CCDC192: variants seen among roughly 807,000 people sequenced by gnomAD.
CCDC192 encodes the protein coiled-coil domain-containing protein 192.
chr5:127,889,407 C>CTTT (rs5871279), intron 6 of CCDC192, among the ~76,000 whole-genome samples: 2 of 128,860 alleles, frequency 1.6e-5, no homozygotes, highest in Admixed American at 7.7e-5. Context: ...TTCTTTCTTT[C>CTTT]TTTTTTTTTT....
intron 2 of CCDC192, among the ~76,000 whole-genome samples, chr5:127,724,672 A>T (rs988026031): frequency 6.6e-6 from 1 of 152,078 alleles, no homozygotes; most frequent in Admixed American, 6.6e-5. Flanking sequence ...AACATGGGGA[A>T]ACCCCGTCTC....
chr5:127,826,850 A>T (rs985226228), intron 5 of CCDC192, among the ~76,000 whole-genome samples: 3 of 152,070 alleles, frequency 2.0e-5, no homozygotes, highest in Non-Finnish European at 4.4e-5. Flanking sequence ...TTTACTGGAG[A>T]ACAAGAATAA....
At chr5:127,876,877 A>G (rs1752103812) in intron 6 of CCDC192, among the ~76,000 whole-genome samples, 1 of 152,224 alleles carries the variant, frequency 6.6e-6, no homozygotes, top group African/African-American at 2.4e-5. Flanking sequence ...GCCATGTAAC[A>G]TTGTGAACTT....
At chr5:127,893,882 T>C (rs1362539197) in intron 6 of CCDC192, among the ~76,000 whole-genome samples, 1 of 151,868 alleles carries the variant, frequency 6.6e-6, no homozygotes, top group Non-Finnish European at 1.5e-5. Context: ...AAGACAGACC[T>C]CCTGTATCTA....
At chr5:127,931,513 T>TGA (rs1754029000) in intron 6 of CCDC192, among the ~76,000 whole-genome samples, 1 of 152,196 alleles carries the variant, frequency 6.6e-6, no homozygotes, top group African/African-American at 2.4e-5. Context: ...CTGTGCATAT[T>TGA]GCAGCCTTGT....
chr5:127,721,527 A>C (rs1580531082), intron 2 of CCDC192, among the ~76,000 whole-genome samples: 1 of 152,116 alleles, frequency 6.6e-6, no homozygotes, highest in Non-Finnish European at 1.5e-5. Context: ...ACTTTCCCTC[A>C]TCTTTCTGTC....
At chr5:127,886,407 A>T (rs959306489) in intron 6 of CCDC192, among the ~76,000 whole-genome samples, 3 of 152,178 alleles carry the variant, frequency 2.0e-5, no homozygotes, top group Non-Finnish European at 4.4e-5. Context: ...CTTGAACAAC[A>T]TAGGTTTGCA....
At chr5:127,766,704 AC>A (rs1471390847) in intron 3 of CCDC192, among the ~76,000 whole-genome samples, 1 of 151,826 alleles carries the variant, frequency 6.6e-6, no homozygotes, top group Non-Finnish European at 1.5e-5. Context: ...TCCCTTAGTA[AC>A]ACAATGGACT....
intron 6 of CCDC192, among the ~76,000 whole-genome samples, chr5:127,923,478 C>T (rs1219994496): frequency 1.3e-5 from 2 of 151,638 alleles, no homozygotes; most frequent in East Asian, 2.0e-4. Context: ...CCCGGATTCA[C>T]GCCATTCTCC....
intron 5 of CCDC192, among the ~76,000 whole-genome samples, chr5:127,871,648 A>G (rs1751865876): frequency 6.6e-6 from 1 of 152,138 alleles, no homozygotes; most frequent in Non-Finnish European, 1.5e-5. Flanking sequence ...GCCACGGTTT[A>G]AAGTATGTGG....
intron 2 of CCDC192, among the ~76,000 whole-genome samples, chr5:127,752,877 C>T (rs950252551): frequency 2.0e-5 from 3 of 152,168 alleles, no homozygotes; most frequent in Non-Finnish European, 4.4e-5. Flanking sequence ...CCCGATTTTC[C>T]AGGTGCCGTT....
At chr5:127,831,902 A>T (rs1749813049) in intron 5 of CCDC192, among the ~76,000 whole-genome samples, 1 of 152,102 alleles carries the variant, frequency 6.6e-6, no homozygotes, top group East Asian at 1.9e-4. Flanking sequence ...CAAAACATTA[A>T]TTGCAAGTTT....
At chr5:127,754,821 C>T (rs1754484151) in intron 3 of CCDC192, among the ~76,000 whole-genome samples, 1 of 152,078 alleles carries the variant, frequency 6.6e-6, no homozygotes, top group Admixed American at 6.6e-5. Context: ...GAGAGTTTTT[C>T]AAATATTGAC....
chr5:127,851,860 A>C (rs1412615638), intron 5 of CCDC192, among the ~76,000 whole-genome samples: 1 of 152,208 alleles, frequency 6.6e-6, no homozygotes, highest in East Asian at 1.9e-4. Flanking sequence ...CATTGAGCCC[A>C]CACATCTGTC....
At chr5:127,870,610 G>T (rs1751811803) in intron 5 of CCDC192, among the ~76,000 whole-genome samples, 1 of 152,172 alleles carries the variant, frequency 6.6e-6, no homozygotes, top group African/African-American at 2.4e-5. Context: ...CGGATGACAG[G>T]TTTCATCAAT....
At chr5:127,753,830 A>G (rs1226387081) in intron 2 of CCDC192, among the ~76,000 whole-genome samples, 3 of 152,222 alleles carry the variant, frequency 2.0e-5, no homozygotes, top group African/African-American at 7.2e-5. Context: ...ATATGCTAAG[A>G]AGGTGAAGAT....
intron 2 of CCDC192, among the ~76,000 whole-genome samples, chr5:127,728,904 CT>C (rs1347426148): frequency 2.6e-5 from 4 of 151,994 alleles, no homozygotes; most frequent in Non-Finnish European, 5.9e-5. Flanking sequence ...ATCCTAGTTT[CT>C]TTTTTTCTTT....
chr5:127,804,968 C>A (rs1757703082), intron 5 of CCDC192, among the ~76,000 whole-genome samples: 1 of 152,164 alleles, frequency 6.6e-6, no homozygotes, highest in African/African-American at 2.4e-5. Flanking sequence ...GCTGGGATAC[C>A]TCTCCAGCCT....
chr5:127,871,003 C>G (rs1189440784), intron 5 of CCDC192, among the ~76,000 whole-genome samples: 1 of 152,236 alleles, frequency 6.6e-6, no homozygotes, highest in Non-Finnish European at 1.5e-5. Context: ...TATACAGGCT[C>G]TCTAAGTGAA....
Sources: gnomAD v4.1 joint callset for allele counts (sites outside exome capture counted in the v4.1 genomes callset) on GRCh38, gnomAD v4.1.1 for gene constraint, MANE v1.5 for transcripts, NCBI Gene and HGNC (gene_info 2026-07-23, HGNC 2026-07-21) for gene names.